The following BPIFA2 variants were observed in gnomAD, a reference collection of about 807,000 sequenced individuals.
BPIFA2 encodes BPI fold containing family A member 2, also known as BPI fold-containing family A member 2.
BPIFA2 carries 20 observed loss-of-function variants against 25.7 expected under a neutral mutation model. That is an observed-to-expected ratio of 0.78 (90% confidence interval 0.55 to 1.13). BPIFA2 has a LOEUF of 1.13. Ranked by LOEUF, BPIFA2 falls within the 50% of genes most tolerant of loss-of-function variation. The pLI is 0.00. For missense variants in BPIFA2, 300 were observed against 298.1 expected, an observed-to-expected ratio of 1.01 and a Z score of -0.05; for synonymous variants, 126 against 124.3, an observed-to-expected ratio of 1.01 and a Z score of -0.09.
rs200912738 is a variant in BPIFA2 at position 33,174,033 on chromosome 20, T to C, written c.303-46T>C. On this transcript the variant is annotated intron_variant, in intron 3 of 8. Transcript: ENST00000354932. Reference sequence around the variant, plus strand: ...CTGGCCCAGGGAAGTGGTTGGCAAGTGGCTGTCATGAGGAGTGACAAGGGT... The same window carrying C: ...CTGGCCCAGGGAAGTGGTTGGCAAGCGGCTGTCATGAGGAGTGACAAGGGT... The C allele has an allele frequency of 1.2e-3, 1,773 of 1,522,530 alleles. 8 individuals are homozygous for C. The highest frequency in any genetic ancestry group is 2.8e-3 in the South Asian group (253 of 89,086). The allele number at this position is 1,522,530 out of a possible 1,614,324, so 94.3% of individuals were successfully genotyped here.
chr20:33,173,731 C>T (rs536529407), intron 3 of BPIFA2, among the ~76,000 whole-genome samples: 2 of 152,232 alleles, frequency 1.3e-5, no homozygotes, highest in South Asian at 2.1e-4. Flanking sequence ...CTCGAACTCC[C>T]GACCTCAGGA....
upstream of BPIFA2, among the ~76,000 whole-genome samples, chr20:33,167,795 A>G (rs1429951436): frequency 6.6e-6 from 1 of 152,098 alleles, no homozygotes; most frequent in East Asian, 1.9e-4. Context: ...TCAGTTTCCA[A>G]ATGATGACGG....
At chr20:33,171,283 G>T (rs1303167686) in intron 2 of BPIFA2, among the ~76,000 whole-genome samples, 1 of 152,146 alleles carries the variant, frequency 6.6e-6, no homozygotes, top group African/African-American at 2.4e-5. Flanking sequence ...AAAGTCAATG[G>T]TAGTTTGATG....
At chr20:33,180,389 G>A in intron 7 of BPIFA2, 131 bp from the exon 8 acceptor site, 1 of 928,532 alleles carries the variant, frequency 1.1e-6, no homozygotes, top group Non-Finnish European at 1.7e-6. Context: ...GAAGCTCAGA[G>A]AGGTGGAGCA....
chr20:33,169,013 T>C (rs2146450457), intron 1 of BPIFA2, 118 bp from the exon 2 acceptor site: 3 of 973,582 alleles, frequency 3.1e-6, no homozygotes, highest in Middle Eastern at 3.4e-4. Context: ...ATTTGTAAAA[T>C]AGGAAATAAC....
rs577808355 is a variant in BPIFA2 at position 33,179,889 on chromosome 20, C to G, written c.709+222C>G. Among the ~76,000 whole-genome samples, 5 of 152,270 alleles carry G rather than the reference C, an allele frequency of 3.3e-5. No homozygotes were observed. In the East Asian group the frequency reaches 9.7e-4, roughly 29 times the overall value. ...CTGGGGAGAAATGGAGTAAGTAAAG[C>G]TGTCAAGACCCTGGAGGTGACCCTT... On this transcript the variant is annotated intron_variant, in intron 7 of 8. Transcript: ENST00000354932.
At chr20:33,170,034 A>G (rs978430205) in intron 2 of BPIFA2, among the ~76,000 whole-genome samples, 2 of 152,236 alleles carry the variant, frequency 1.3e-5, no homozygotes, top group African/African-American at 4.8e-5. Flanking sequence ...AACTTCTGCA[A>G]ATGGCTGCCT....
intron 7 of BPIFA2, 59 bp from the exon 8 acceptor site, chr20:33,180,461 G>T (rs1035638621): frequency 1.9e-6 from 3 of 1,550,700 alleles, no homozygotes; most frequent in African/African-American, 2.7e-5. Context: ...TTTGGAGTCT[G>T]GTCTCTATTC....
intron 2 of BPIFA2, among the ~76,000 whole-genome samples, chr20:33,171,360 A>G (rs962759943): frequency 6.6e-6 from 1 of 152,102 alleles, no homozygotes; most frequent in Non-Finnish European, 1.5e-5. Flanking sequence ...GTTTCTTCCT[A>G]TCCGTGAGCA....
intron 1 of BPIFA2, among the ~76,000 whole-genome samples, chr20:33,162,441 C>T (rs1260849297): frequency 6.6e-6 from 1 of 152,222 alleles, no homozygotes; most frequent in Non-Finnish European, 1.5e-5. Context: ...GCGGCCATGC[C>T]TTGCCTAACA....
chr20:33,177,426 T>A (rs918591961), intron 5 of BPIFA2, among the ~76,000 whole-genome samples: 1 of 151,956 alleles, frequency 6.6e-6, no homozygotes, highest in Non-Finnish European at 1.5e-5. Context: ...TCTGGAGAAC[T>A]GATTGGTGAT....
At chr20:33,179,451 A>G (rs887024256) in intron 6 of BPIFA2, among the ~76,000 whole-genome samples, 153 bp from the exon 7 acceptor site, 1 of 151,674 alleles carries the variant, frequency 6.6e-6, no homozygotes, top group Non-Finnish European at 1.5e-5. Flanking sequence ...AAAAAATACA[A>G]TAAAACAAAA....
At chr20:33,178,336 C>A in intron 6 of BPIFA2, 108 bp downstream of exon 6, 2 of 838,762 alleles carry the variant, frequency 2.4e-6, no homozygotes, top group South Asian at 1.8e-5. Context: ...GAGGTGAAAG[C>A]TTCTCCTTAG....
chr20:33,170,855 T>C (rs1188213395), intron 2 of BPIFA2, among the ~76,000 whole-genome samples: 1 of 152,246 alleles, frequency 6.6e-6, no homozygotes, highest in Non-Finnish European at 1.5e-5. Context: ...CCAGGTTTTT[T>C]ATGGTTTTGG....
At chr20:33,168,561 T>C (rs1047995826) in intron 1 of BPIFA2, among the ~76,000 whole-genome samples, 1 of 152,238 alleles carries the variant, frequency 6.6e-6, no homozygotes, top group Admixed American at 6.5e-5. Flanking sequence ...TTCATACTTA[T>C]ATTCAACAAA....
At chr20:33,164,613 C>T (rs1265152127), upstream of BPIFA2, among the ~76,000 whole-genome samples, 1 of 151,518 alleles carries the variant, frequency 6.6e-6, no homozygotes, top group Non-Finnish European at 1.5e-5. Flanking sequence ...TGCCTTTCTT[C>T]CCTCCCTCCT....
chr20:33,162,252 A>G (rs970849379), intron 1 of BPIFA2, among the ~76,000 whole-genome samples: 1 of 152,264 alleles, frequency 6.6e-6, no homozygotes, highest in East Asian at 1.9e-4. Context: ...AAGTGCTGGA[A>G]TTACAGGCAT....
intron 5 of BPIFA2, among the ~76,000 whole-genome samples, chr20:33,175,840 G>A (rs904428380): frequency 7.9e-5 from 12 of 152,096 alleles, no homozygotes; most frequent in Non-Finnish European, 1.6e-4. Context: ...TTAGCACGCA[G>A]CCTGGAACAT....
chr20:33,177,948 C>T (rs1235482027), intron 5 of BPIFA2, among the ~76,000 whole-genome samples, 199 bp from the exon 6 acceptor site: 2 of 152,136 alleles, frequency 1.3e-5, no homozygotes, highest in African/African-American at 4.8e-5. Context: ...TCTCATGAGG[C>T]ACTGGGGTGA....
Sources: allele counts gnomAD v4.1 joint callset (sites outside exome capture counted in the v4.1 genomes callset), GRCh38; gene constraint gnomAD v4.1.1; transcripts MANE v1.5; gene names NCBI Gene and HGNC (gene_info 2026-07-23, HGNC 2026-07-21).